The following LRRC8B variants were observed in gnomAD, a reference collection of about 807,000 sequenced individuals.
LRRC8B encodes the protein volume-regulated anion channel subunit LRRC8B.
Under a neutral mutation model 58.8 loss-of-function variants are expected in LRRC8B, and 23 were observed. The ratio of observed to expected loss-of-function variants is 0.39; its 90% confidence interval spans 0.28 to 0.55. LRRC8B has a LOEUF of 0.55. Among genes scored for constraint, LRRC8B ranks in the 20% least tolerant of loss-of-function variants. The pLI, the probability that LRRC8B is intolerant of heterozygous loss-of-function variation, is 0.62. For missense variants in LRRC8B, 694 were observed against 936.0 expected (o/e 0.74, Z 3.37); for synonymous variants, 359 against 374.1 (o/e 0.96, Z 0.47).
rs1209053981 is a variant in LRRC8B, at chr1:89,595,614, T to C, written c.*2571T>C. On this transcript the variant is annotated 3_prime_UTR_variant, in exon 6 of 6. Coordinates refer to ENST00000330947, the MANE Select transcript of LRRC8B (RefSeq NM_001369817.2). ...CTTTCCACACACTAGGGTATAATTA[T>C]TGGTGCAATCTATGTTGTTCTTGAT... The C allele has an allele frequency of 6.6e-6, 1 of 152,156 alleles. No individual in the cohort carries two copies. The highest frequency in any genetic ancestry group is 1.5e-5 in the Non-Finnish European group (1 of 67,976). 9.4% of individuals were successfully genotyped at this position (152,156 alleles called of 1,614,324 possible). A position where few individuals can be genotyped will look rare whatever the true frequency, so the allele number is the denominator to read the frequency against.
At chr1:89,560,372 T>C (rs1260866895) in intron 1 of LRRC8B, among the ~76,000 whole-genome samples, 1 of 150,360 alleles carries the variant, frequency 6.7e-6, no homozygotes, top group Non-Finnish European at 1.5e-5. Context: ...TTAATATATC[T>C]ATCTCATTTG....
chr1:89,529,148 T>G (rs1216763638), intron 1 of LRRC8B, among the ~76,000 whole-genome samples: 1 of 152,256 alleles, frequency 6.6e-6, no homozygotes, highest in African/African-American at 2.4e-5. Flanking sequence ...TGTTATACAT[T>G]AACATATCTA....
At chr1:89,544,211 T>C (rs1012049342) in intron 1 of LRRC8B, among the ~76,000 whole-genome samples, 1 of 152,212 alleles carries the variant, frequency 6.6e-6, no homozygotes, top group Non-Finnish European at 1.5e-5. Flanking sequence ...AGGAAGCTAT[T>C]GTTCAGTAGT....
At chr1:89,572,635 A>T (rs994543271) in intron 3 of LRRC8B, 12 of 152,216 alleles carry the variant, frequency 7.9e-5, no homozygotes, top group African/African-American at 2.9e-4. Context: ...TTCAGAAGGG[A>T]CTACATAGGG....
At chr1:89,587,651 G>A (rs1233265738) in intron 5 of LRRC8B, among the ~76,000 whole-genome samples, 1 of 152,182 alleles carries the variant, frequency 6.6e-6, no homozygotes, top group African/African-American at 2.4e-5. Flanking sequence ...TCCTATAAGA[G>A]GCATTTTAAA....
chr1:89,580,320 C>T (rs538319542), intron 4 of LRRC8B, among the ~76,000 whole-genome samples: 4 of 152,244 alleles, frequency 2.6e-5, no homozygotes, highest in Non-Finnish European at 4.4e-5. Flanking sequence ...TGTGATCTCA[C>T]GAGGCAGGTA....
intron 1 of LRRC8B, among the ~76,000 whole-genome samples, chr1:89,533,200 C>T (rs1650269653): frequency 6.6e-6 from 1 of 152,184 alleles, no homozygotes; most frequent in Non-Finnish European, 1.5e-5. Flanking sequence ...AAATCTCATC[C>T]CATAATTGCC....
At chr1:89,584,898 C>A in intron 5 of LRRC8B, 109 bp downstream of exon 5, 1 of 748,690 alleles carries the variant, frequency 1.3e-6, no homozygotes, top group Non-Finnish European at 2.1e-6. Context: ...AAGCCAAGCC[C>A]AATCCGATCT....
intron 1 of LRRC8B, among the ~76,000 whole-genome samples, chr1:89,538,586 G>T (rs1367938335): frequency 6.6e-6 from 1 of 152,146 alleles, no homozygotes; most frequent in Admixed American, 6.5e-5. Flanking sequence ...TTCCTTAACG[G>T]ATGTGTCAAC....
intron 1 of LRRC8B, among the ~76,000 whole-genome samples, chr1:89,543,957 T>A (rs1232294320): frequency 2.6e-5 from 4 of 151,958 alleles, no homozygotes; most frequent in African/African-American, 9.7e-5. Context: ...CTGGCTAATT[T>A]TTATTATTAT....
At chr1:89,558,177 G>A (rs757115267) in intron 1 of LRRC8B, among the ~76,000 whole-genome samples, 4 of 152,172 alleles carry the variant, frequency 2.6e-5, no homozygotes, top group Non-Finnish European at 4.4e-5. Flanking sequence ...GAAGCATCCT[G>A]TTGTCATGTT....
At chr1:89,571,627 C>T (rs556204228) in intron 3 of LRRC8B, among the ~76,000 whole-genome samples, 15 of 152,220 alleles carry the variant, frequency 9.9e-5, no homozygotes, top group East Asian at 3.9e-4. Context: ...TATAAAACCA[C>T]GACATCACAA....
At chr1:89,541,473 A>T (rs1426842671) in intron 1 of LRRC8B, among the ~76,000 whole-genome samples, 3 of 151,932 alleles carry the variant, frequency 2.0e-5, no homozygotes, top group Non-Finnish European at 2.9e-5. Flanking sequence ...GCACTTTGGG[A>T]GGCCGAGGCG....
chr1:89,547,691 G>A (rs561188416), intron 1 of LRRC8B, among the ~76,000 whole-genome samples: 7 of 151,776 alleles, frequency 4.6e-5, no homozygotes, highest in Non-Finnish European at 1.0e-4. Context: ...TTAAAGATCT[G>A]TTTCTCATTA....
At chr1:89,578,957 A>C (rs1476767950) in intron 3 of LRRC8B, among the ~76,000 whole-genome samples, 2 of 152,242 alleles carry the variant, frequency 1.3e-5, no homozygotes, top group Non-Finnish European at 2.9e-5. Flanking sequence ...TAATAATAAC[A>C]TAATTTCAAG....
At position 89,597,393 on chromosome 1, in the gene LRRC8B, G is replaced by T. The variant is rs909864801; in HGVS notation, c.*4350G>T. On this transcript the variant is annotated 3_prime_UTR_variant, in exon 6 of 6. Transcript: ENST00000330947. The stretch of plus-strand genomic sequence containing the variant: ...AAACAATTATGAATGCCTTCTGCAT[G>T]TTGTACATTATCTCTAACAGAGATG... 6.6e-6 allele frequency: 1 copy of T among 152,214 alleles called. No individual in the cohort carries two copies. Among genetic ancestry groups the T allele is most frequent in the Non-Finnish European group, 1.5e-5 (1 of 68,044 alleles). 9.4% of individuals were successfully genotyped at this position (152,214 alleles called of 1,614,324 possible). A position where few individuals can be genotyped will look rare whatever the true frequency, so the allele number is the denominator to read the frequency against.
intron 1 of LRRC8B, among the ~76,000 whole-genome samples, chr1:89,560,475 T>C (rs1652550185): frequency 2.0e-5 from 3 of 151,698 alleles, no homozygotes; most frequent in South Asian, 2.1e-4. Context: ...CATGCTGGTG[T>C]GCTGCACCCA....
intron 1 of LRRC8B, among the ~76,000 whole-genome samples, chr1:89,551,019 G>A (rs879562139): frequency 1.3e-5 from 2 of 152,214 alleles, no homozygotes; most frequent in South Asian, 2.1e-4. Context: ...ATCTCCAACC[G>A]TAAATGTCCT....
At position 89,584,129 on chromosome 1, in the gene LRRC8B, C is replaced by T; in HGVS notation, c.1479C>T (p.Arg493=). The stretch of plus-strand genomic sequence containing the variant: ...TAGAGGAGAATTTAAAAATCCTCCG[C>T]CTGAAATTTACTGAAATGGGAAAAA... ...AFLEENLKIL[R]LKFTEMGKIP... The change falls in exon 5 of 6, where the codon CGC becomes CGT. Residue 493 remains arginine, a synonymous_variant. Transcript: ENST00000330947. 3 of 1,613,354 alleles carry T rather than the reference C, an allele frequency of 1.9e-6. No individual in the cohort carries two copies. The highest frequency in any genetic ancestry group is 1.7e-6 in the Non-Finnish European group (2 of 1,180,022).
Sources: allele counts gnomAD v4.1 joint callset (sites outside exome capture counted in the v4.1 genomes callset), GRCh38; gene constraint gnomAD v4.1.1; transcripts MANE v1.5; gene names NCBI Gene and HGNC (gene_info 2026-07-23, HGNC 2026-07-21).